Variants in ARHGEF12 observed in about 807,000 individuals in gnomAD.
ARHGEF12 encodes the protein KMT2A/ARHGEF12 fusion protein.
Under a neutral mutation model 211.2 loss-of-function variants are expected in ARHGEF12, and 66 were observed. The observed-to-expected ratio is 0.31, with a 90% confidence interval of 0.26 to 0.38. ARHGEF12 has a LOEUF of 0.38. Among genes scored for constraint, ARHGEF12 ranks in the 10% least tolerant of loss-of-function variants. ARHGEF12 has a pLI of 1.00. For synonymous variants in ARHGEF12, 592 were observed against 638.4 expected, an observed-to-expected ratio of 0.93 and a Z score of 1.09; for missense variants, 1,429 against 1,869.5, an observed-to-expected ratio of 0.76 and a Z score of 4.34.
chr11:120,351,532 A>G (rs1319665936), intron 1 of ARHGEF12, among the ~76,000 whole-genome samples: 1 of 134,580 alleles, frequency 7.4e-6, no homozygotes, highest in Non-Finnish European at 1.5e-5. Context: ...GTGCAGTGGC[A>G]TGGTCTTGGC....
At position 120,391,395 on chromosome 11, in the gene ARHGEF12, T is replaced by A. The variant is rs184532003; in HGVS notation, c.33-14723T>A. Among the ~76,000 whole-genome samples the A allele has an allele frequency of 4.8e-4, 73 of 152,338 alleles. No individual in the cohort carries two copies. In the East Asian group the frequency reaches 6.9e-3, roughly 14 times the overall value. On this transcript the variant is annotated intron_variant, in intron 1 of 40. Transcript: ENST00000397843. The stretch of plus-strand genomic sequence containing the variant: ...TCTGGCCAATCACCATCCTCCACCC[T>A]CCCAGGGTAGAATTTTTTCCAGGAA...
At chr11:120,481,855 G>C (rs1947250490) in intron 39 of ARHGEF12, among the ~76,000 whole-genome samples, 1 of 151,600 alleles carries the variant, frequency 6.6e-6, no homozygotes, top group Non-Finnish European at 1.5e-5. Flanking sequence ...TGCCTTCCAG[G>C]TTCACACCAT....
intron 33 of ARHGEF12, 128 bp downstream of exon 33, chr11:120,475,635 TG>T (rs1300284589): frequency 1.1e-6 from 1 of 939,404 alleles, no homozygotes; most frequent in East Asian, 2.7e-5. Flanking sequence ...GCAAATTACA[TG>T]AAATTTACTG....
chr11:120,449,064 AT>A (rs1476090782), intron 20 of ARHGEF12, 44 bp from the exon 21 acceptor site: 7 of 1,542,950 alleles, frequency 4.5e-6, no homozygotes. Context: ...CGCAAAAGAA[AT>A]TTACTCTGTT....
At chr11:120,397,748 A>G (rs1038761295) in intron 1 of ARHGEF12, among the ~76,000 whole-genome samples, 3 of 152,246 alleles carry the variant, frequency 2.0e-5, no homozygotes, top group Non-Finnish European at 4.4e-5. Context: ...TTAAACCTCT[A>G]GAATTTTATA....
intron 31 of ARHGEF12, among the ~76,000 whole-genome samples, chr11:120,473,779 C>T (rs905299469): frequency 6.6e-6 from 1 of 152,238 alleles, no homozygotes; most frequent in Non-Finnish European, 1.5e-5. Flanking sequence ...ACTATTTTCT[C>T]ATGAGGCTCT....
At position 120,355,570 on chromosome 11, in the gene ARHGEF12, G is replaced by A. The variant is rs529462054; in HGVS notation, c.32+18295G>A. On this transcript the variant is annotated intron_variant, in intron 1 of 40. Transcript: ENST00000397843. ...AGGTTTTAAATTCAAGTCTTTTAGC[G>A]GGGCACAGTACCTGTAGTCCTAGTT... is the stretch of plus-strand genomic sequence containing the variant. 2.6e-5 allele frequency among the ~76,000 whole-genome samples: 4 copies of A among 152,214 alleles called. No homozygotes were observed. The South Asian group carries it at 8.3e-4, about 32-fold the overall frequency.
At chr11:120,422,202 A>C (rs1431416709) in intron 6 of ARHGEF12, among the ~76,000 whole-genome samples, 1 of 152,190 alleles carries the variant, frequency 6.6e-6, no homozygotes, top group Non-Finnish European at 1.5e-5. Flanking sequence ...CAACTCTGCA[A>C]GTTTTTGAGT....
In ARHGEF12 at chr11:120,374,850, A is replaced by T. The variant is rs542927348; in HGVS notation, c.33-31268A>T. 9.2e-5 allele frequency among the ~76,000 whole-genome samples: 14 copies of T among 152,332 alleles called. No homozygotes were observed. In the South Asian group the frequency reaches 1.0e-3, roughly 11 times the overall value. ...TACATATTAATGATTCAAATTACTAACATAGCTCTATTAAATTAAATCTAC... is the reference window on the plus strand; with the variant it reads ...TACATATTAATGATTCAAATTACTATCATAGCTCTATTAAATTAAATCTAC... On this transcript the variant is annotated intron_variant, in intron 1 of 40. Coordinates refer to ENST00000397843, the MANE Select transcript of ARHGEF12 (RefSeq NM_015313.3).
chr11:120,361,572 A>G (rs994730085), intron 1 of ARHGEF12, among the ~76,000 whole-genome samples: 3 of 152,170 alleles, frequency 2.0e-5, no homozygotes, highest in Admixed American at 2.0e-4. Context: ...CTTTGCTGCC[A>G]TCCAGTTTGG....
At chr11:120,451,856 A>G in intron 22 of ARHGEF12, 132 bp downstream of exon 22, 1 of 818,016 alleles carries the variant, frequency 1.2e-6, no homozygotes, top group East Asian at 2.7e-5. Context: ...TTAATATGCT[A>G]CAACCAATAA....
At chr11:120,430,760 G>T (rs922629963) in intron 10 of ARHGEF12, among the ~76,000 whole-genome samples, 10 of 152,094 alleles carry the variant, frequency 6.6e-5, no homozygotes, top group Admixed American at 4.6e-4. Context: ...AAAAAATTAT[G>T]TTATAATTGA....
rs572288971 is a variant in ARHGEF12, at chr11:120,349,477, A to C, written c.32+12202A>C. Among the ~76,000 whole-genome samples the C allele has an allele frequency of 5.9e-5, 9 of 152,102 alleles. No homozygotes were observed. The South Asian group carries it at 1.7e-3, about 28-fold the overall frequency. ...TGTGTGTGTATGTATTTATTTATAT[A>C]TTTTAGCCCTTGTAAGAGAGGAGCA... On this transcript the variant is annotated intron_variant, in intron 1 of 40. Transcript: ENST00000397843.
At position 120,446,071 on chromosome 11, in the gene ARHGEF12, G is replaced by A. The variant is rs563983016; in HGVS notation, c.1346-332G>A. On this transcript the variant is annotated intron_variant, in intron 16 of 40. Coordinates refer to ENST00000397843, the MANE Select transcript of ARHGEF12 (RefSeq NM_015313.3). ...AAAGTAGCTGGGCGTGGTGGCGGGC[G>A]CCTGTTGTCTCAGCTACTCAGGAGG... Among the ~76,000 whole-genome samples the A allele has an allele frequency of 9.2e-5, 14 of 151,586 alleles. No homozygotes were observed. The South Asian group carries it at 1.7e-3, about 18-fold the overall frequency.
Position 120,458,244 on chromosome 11 carries a change from A to G in ARHGEF12, c.2380+10A>G. 6.2e-7 allele frequency: 1 copy of G among 1,613,222 alleles called. No homozygotes were observed. Among genetic ancestry groups the G allele is most frequent in the African/African-American group, 1.3e-5 (1 of 74,982 alleles). ...CAGGAAGTGATTAATGGTGAGTGTA[A>G]TCAATTTGTTGTTGTTGTTTACAAA... On this transcript the variant is annotated intron_variant, in intron 25 of 40. Transcript: ENST00000397843.
chr11:120,442,140 A>C lies in ARHGEF12; in HGVS notation c.1240A>C (p.Asn414His). The change falls in exon 15 of 41, where the codon AAT (asparagine) becomes CAT (histidine). Residue 414 changes from asparagine (N) to histidine (H), a missense_variant. By Grantham distance (68) the Asn-to-His change is moderately conservative. Coordinates refer to ENST00000397843, the MANE Select transcript of ARHGEF12 (RefSeq NM_015313.3). ...YLYSDLYKHT[N>H]SKETRRIFLE... ...CTATTCAGACCTGTATAAACATACC[A>C]ATTCCAAAGAAACTCGTCGCATCTT... is the stretch of plus-strand genomic sequence containing the variant. The C allele has an allele frequency of 6.2e-7, 1 of 1,610,638 alleles. No individual in the cohort carries two copies. Among genetic ancestry groups the C allele is most frequent in the Non-Finnish European group, 8.5e-7 (1 of 1,179,334 alleles).
intron 1 of ARHGEF12, among the ~76,000 whole-genome samples, chr11:120,364,401 A>G (rs1943366421): frequency 6.6e-6 from 1 of 152,248 alleles, no homozygotes; most frequent in Non-Finnish European, 1.5e-5. Context: ...TAATTTGACA[A>G]TATAGTTCAA....
chr11:120,384,394 T>G (rs1943967841), intron 1 of ARHGEF12, among the ~76,000 whole-genome samples: 1 of 152,208 alleles, frequency 6.6e-6, no homozygotes, highest in Admixed American at 6.5e-5. Context: ...AAACAACATG[T>G]TTTTCATTCG....
At chr11:120,460,901 C>A in intron 27 of ARHGEF12, 144 bp downstream of exon 27, 1 of 705,918 alleles carries the variant, frequency 1.4e-6, no homozygotes, top group Admixed American at 2.5e-5. Flanking sequence ...GCAGTAGATT[C>A]CATTTCAAGA....
Sources: allele counts gnomAD v4.1 joint callset (sites outside exome capture counted in the v4.1 genomes callset), GRCh38; gene constraint gnomAD v4.1.1; transcripts MANE v1.5; gene names NCBI Gene and HGNC (gene_info 2026-07-23, HGNC 2026-07-21).